LINGO2: variants seen among roughly 807,000 people sequenced by gnomAD.
The protein encoded by LINGO2 is leucine rich repeat and Ig domain containing 2.
In LINGO2, 14 loss-of-function variants were observed where a neutral mutation model predicts 30.6. The observed-to-expected ratio is 0.46, with a 90% confidence interval of 0.30 to 0.72. The LOEUF (loss-of-function observed/expected upper bound fraction) is 0.72, where lower values mean the gene tolerates loss of function less well. Ranked by LOEUF, LINGO2 falls within the 30% of genes least tolerant of loss-of-function variation. LINGO2 has a pLI of 0.07. For missense variants in LINGO2, 729 were observed against 751.7 expected (o/e 0.97, Z 0.35); for synonymous variants, 317 against 288.5 (o/e 1.10, Z -1.00).
intron 1 of LINGO2, among the ~76,000 whole-genome samples, chr9:28,540,725 C>T (rs1821654976): frequency 1.3e-5 from 2 of 152,184 alleles, no homozygotes; most frequent in Admixed American, 1.3e-4. Context: ...ATCATCACTC[C>T]ACCAAGTAAG....
At chr9:28,943,596 C>T in the LINGO2 span, among the ~76,000 whole-genome samples, 1 of 152,262 alleles carries the variant, frequency 6.6e-6, no homozygotes, top group South Asian at 2.1e-4. Context: ...TGAAGTTCGT[C>T]TCAGGGTTTA....
At chr9:27,969,260 A>C (rs1211229494) in intron 5 of LINGO2, among the ~76,000 whole-genome samples, 1 of 152,144 alleles carries the variant, frequency 6.6e-6, no homozygotes, top group South Asian at 2.1e-4. Context: ...CTTCAGGAGT[A>C]TAATTCATAG....
the LINGO2 span, among the ~76,000 whole-genome samples, chr9:28,892,947 T>A: frequency 6.6e-6 from 1 of 152,080 alleles, no homozygotes; most frequent in Admixed American, 6.6e-5. Flanking sequence ...TATTCAATCC[T>A]GATTATATCT....
the LINGO2 span, among the ~76,000 whole-genome samples, chr9:28,692,074 G>T: frequency 2.0e-5 from 3 of 152,116 alleles, no homozygotes; most frequent in Non-Finnish European, 2.9e-5. Context: ...AGGTTGCAAA[G>T]AAAATAAAAT....
chr9:28,724,803 G>C, the LINGO2 span, among the ~76,000 whole-genome samples: 1 of 151,982 alleles, frequency 6.6e-6, no homozygotes, highest in East Asian at 1.9e-4. Flanking sequence ...CATAAGTTTG[G>C]GGGTCATCCA....
chr9:28,806,191 TAA>T, the LINGO2 span, among the ~76,000 whole-genome samples: 1 of 152,166 alleles, frequency 6.6e-6, no homozygotes, highest in Admixed American at 6.5e-5. Flanking sequence ...CTACTACAGA[TAA>T]AATCTCCTCC....
At chr9:28,169,427 C>G (rs1352297495) in intron 4 of LINGO2, among the ~76,000 whole-genome samples, 1 of 152,038 alleles carries the variant, frequency 6.6e-6, no homozygotes, top group Non-Finnish European at 1.5e-5. Flanking sequence ...TTTTAGAAAT[C>G]AATACTTTAC....
At chr9:28,686,529 AT>A in the LINGO2 span, among the ~76,000 whole-genome samples, 1 of 152,036 alleles carries the variant, frequency 6.6e-6, no homozygotes, top group African/African-American at 2.4e-5. Context: ...GTAAGATTTC[AT>A]TTCATAGAGT....
chr9:28,093,227 C>T (rs190607933), intron 4 of LINGO2, among the ~76,000 whole-genome samples: 13 of 152,144 alleles, frequency 8.5e-5, no homozygotes, highest in African/African-American at 1.4e-4. Flanking sequence ...TTATACAGTG[C>T]GTTTTTCTCC....
chr9:29,084,198 A>G, the LINGO2 span, among the ~76,000 whole-genome samples: 2 of 149,922 alleles, frequency 1.3e-5, no homozygotes, highest in Non-Finnish European at 3.0e-5. Flanking sequence ...CTACAAAAAA[A>G]TGTGGTTGAA....
In LINGO2 at chr9:28,415,055, T is replaced by A. The variant is rs1298696222; in HGVS notation, c.-278-42187A>T. 2.6e-5 allele frequency among the ~76,000 whole-genome samples: 4 copies of A among 152,148 alleles called. No homozygotes were observed. In the South Asian group the frequency reaches 8.3e-4, roughly 32 times the overall value. On this transcript the variant is annotated intron_variant, in intron 2 of 5. Coordinates refer to ENST00000379992, the Ensembl canonical transcript of LINGO2. ...CATTAATTATACTGTTAAGTGACAATAATCAGAACACATATAAAAAAAGAG... is the reference window on the plus strand; with the variant it reads ...CATTAATTATACTGTTAAGTGACAAAAATCAGAACACATATAAAAAAAGAG...
At chr9:28,710,151 C>T in the LINGO2 span, among the ~76,000 whole-genome samples, 1 of 151,564 alleles carries the variant, frequency 6.6e-6, no homozygotes, top group African/African-American at 2.4e-5. Context: ...GGGTCAAGTG[C>T]TAGACCCTCA....
chr9:28,750,639 G>C, the LINGO2 span, among the ~76,000 whole-genome samples: 1 of 152,018 alleles, frequency 6.6e-6, no homozygotes, highest in Admixed American at 6.6e-5. Flanking sequence ...TTTGGAGTCA[G>C]ATATATTTGT....
At chr9:28,383,486 GGCA>G (rs1457467705) in intron 2 of LINGO2, among the ~76,000 whole-genome samples, 1 of 152,018 alleles carries the variant, frequency 6.6e-6, no homozygotes. Context: ...CTACTGGTGA[GGCA>G]GCAGTTTCTA....
rs117511380 is a variant in LINGO2, at chr9:28,547,199, C to T, written c.-364-71174G>A. ...TTTATTTGTGAAATCGAGTATTCTC[C>T]CTGTATTACTACTATGTGAAAAGGG... On this transcript the variant is annotated intron_variant, in intron 1 of 5. Coordinates refer to ENST00000379992, the Ensembl canonical transcript of LINGO2. 5.9e-3 allele frequency among the ~76,000 whole-genome samples: 892 copies of T among 152,154 alleles called. 3 individuals carry two copies. The highest frequency in any genetic ancestry group is 0.012 in the Admixed American group (188 of 15,278).
intron 2 of LINGO2, among the ~76,000 whole-genome samples, chr9:28,449,349 T>C (rs1456558047): frequency 6.6e-6 from 1 of 152,046 alleles, no homozygotes; most frequent in African/African-American, 2.4e-5. Flanking sequence ...CCACAAACAG[T>C]TTGTTTTCAA....
the LINGO2 span, among the ~76,000 whole-genome samples, chr9:29,188,810 G>A: frequency 1.4e-5 from 2 of 142,016 alleles, no homozygotes; most frequent in Non-Finnish European, 3.1e-5. Context: ...TCCGGACAGG[G>A]CGGCTGGCCA....
At chr9:27,986,279 A>G (rs577339650) in intron 5 of LINGO2, among the ~76,000 whole-genome samples, 1 of 151,922 alleles carries the variant, frequency 6.6e-6, no homozygotes, top group Non-Finnish European at 1.5e-5. Flanking sequence ...AGAGCAGTTA[A>G]TCTTCAGGAC....
intron 4 of LINGO2, among the ~76,000 whole-genome samples, chr9:28,156,604 C>A (rs1828137113): frequency 6.6e-6 from 1 of 152,202 alleles, no homozygotes; most frequent in African/African-American, 2.4e-5. Flanking sequence ...AGTCTTAACT[C>A]ATTTCAGCAT....
Sources: allele counts gnomAD v4.1 joint callset (sites outside exome capture counted in the v4.1 genomes callset), GRCh38; gene constraint gnomAD v4.1.1; transcripts MANE v1.5; gene names NCBI Gene and HGNC (gene_info 2026-07-23, HGNC 2026-07-21).